Variants in SNTG1 observed in about 807,000 individuals in gnomAD.
The protein encoded by SNTG1 is gamma-1-syntrophin.
Under a neutral mutation model 74.7 loss-of-function variants are expected in SNTG1, and 39 were observed. The ratio of observed to expected loss-of-function variants is 0.52; its 90% confidence interval spans 0.40 to 0.68. The LOEUF (loss-of-function observed/expected upper bound fraction) is 0.68, where lower values mean the gene tolerates loss of function less well. Among genes scored for constraint, SNTG1 ranks in the 30% least tolerant of loss-of-function variants. The pLI is 0.00. For missense variants in SNTG1, 685 were observed against 609.5 expected, an observed-to-expected ratio of 1.12 and a Z score of -1.30; for synonymous variants, 254 against 217.1, an observed-to-expected ratio of 1.17 and a Z score of -1.49.
At position 50,364,317 on chromosome 8, in the gene SNTG1, T is replaced by C. The variant is rs190435906; in HGVS notation, c.-27-29895T>C. On this transcript the variant is annotated intron_variant, in intron 2 of 18. Transcript: ENST00000642720. ...GTCATGAATGATGAAAGACACTCCT[T>C]TCACCTTTATCACTCTTATCACTTA... 6.6e-5 allele frequency among the ~76,000 whole-genome samples: 10 copies of C among 152,246 alleles called. No individual in the cohort carries two copies. The East Asian group carries it at 1.7e-3, about 26-fold the overall frequency.
intron 8 of SNTG1, among the ~76,000 whole-genome samples, chr8:50,494,140 C>T (rs1214083038): frequency 2.0e-5 from 3 of 150,366 alleles, no homozygotes; most frequent in East Asian, 1.9e-4. Flanking sequence ...CACACACACA[C>T]ATATATATAT....
intron 1 of SNTG1, among the ~76,000 whole-genome samples, chr8:49,944,489 A>G (rs1166962271): frequency 1.3e-5 from 2 of 148,996 alleles, no homozygotes; most frequent in African/African-American, 5.0e-5. Flanking sequence ...AAAAAAACCA[A>G]ACACTGCATG....
Position 50,395,805 on chromosome 8 carries a change from C to T in SNTG1, c.27+1540C>T, listed in dbSNP as rs1723325676. 2.0e-5 allele frequency among the ~76,000 whole-genome samples: 3 copies of T among 152,118 alleles called. No homozygotes were observed. In the South Asian group the frequency reaches 6.2e-4, roughly 32 times the overall value. On this transcript the variant is annotated intron_variant, in intron 3 of 18. Transcript: ENST00000642720. ...GGATTACAGGCGTGAGCCACTGTGC[C>T]CGGCCCATTTCTGGTTTTAATTGCA... is the stretch of plus-strand genomic sequence containing the variant.
At chr8:50,506,836 T>G (rs947321064) in intron 9 of SNTG1, among the ~76,000 whole-genome samples, 1 of 152,068 alleles carries the variant, frequency 6.6e-6, no homozygotes, top group East Asian at 1.9e-4. Flanking sequence ...GCTAGAACTT[T>G]TGGTTGTATG....
chr8:50,274,524 T>G (rs2087982411), intron 2 of SNTG1, among the ~76,000 whole-genome samples: 1 of 152,174 alleles, frequency 6.6e-6, no homozygotes, highest in African/African-American at 2.4e-5. Context: ...TCTTTTCAAT[T>G]TGTATATTTT....
At chr8:50,164,927 A>T (rs574098833) in intron 1 of SNTG1, among the ~76,000 whole-genome samples, 41 of 152,284 alleles carry the variant, frequency 2.7e-4, no homozygotes, top group Non-Finnish European at 4.9e-4. Context: ...GTCATCCCTT[A>T]TTTATAGGTT....
intron 4 of SNTG1, among the ~76,000 whole-genome samples, chr8:50,411,774 C>G (rs1006635521): frequency 2.0e-5 from 3 of 152,156 alleles, no homozygotes; most frequent in Non-Finnish European, 4.4e-5. Flanking sequence ...TTATGCGGTT[C>G]CAGATATGGC....
At chr8:50,206,202 A>G (rs971327884) in intron 2 of SNTG1, among the ~76,000 whole-genome samples, 3 of 152,208 alleles carry the variant, frequency 2.0e-5, no homozygotes, top group Non-Finnish European at 4.4e-5. Flanking sequence ...ATCCATGACC[A>G]TGGAATGTTC....
rs570432012 is a variant in SNTG1 at position 50,180,435 on chromosome 8, A to G, written c.-28+7800A>G. The stretch of plus-strand genomic sequence containing the variant: ...AGTAGACTTTAGGTGTGCTTACCAT[A>G]CATACAAAAAAGAAAGTAATAAAAC... On this transcript the variant is annotated intron_variant, in intron 2 of 18. Coordinates refer to ENST00000642720, the MANE Select transcript of SNTG1 (RefSeq NM_018967.5). Among the ~76,000 whole-genome samples, 5 of 152,340 alleles carry G rather than the reference A, an allele frequency of 3.3e-5. No homozygotes were observed. The South Asian group carries it at 1.0e-3, about 32-fold the overall frequency.
intron 2 of SNTG1, among the ~76,000 whole-genome samples, chr8:50,204,009 A>C (rs1396448975): frequency 6.6e-6 from 1 of 152,100 alleles, no homozygotes; most frequent in Non-Finnish European, 1.5e-5. Context: ...AAGGTGATGA[A>C]AAATGCATAA....
chr8:50,032,535 T>C (rs1349535304), intron 1 of SNTG1, among the ~76,000 whole-genome samples: 1 of 152,146 alleles, frequency 6.6e-6, no homozygotes, highest in East Asian at 1.9e-4. Context: ...GGGACCATTG[T>C]TGCTTTTGTT....
chr8:49,995,192 A>G (rs531204098), intron 1 of SNTG1, among the ~76,000 whole-genome samples: 1 of 152,206 alleles, frequency 6.6e-6, no homozygotes, highest in African/African-American at 2.4e-5. Context: ...GAAGAGTTCA[A>G]CATTAAGATT....
intron 1 of SNTG1, among the ~76,000 whole-genome samples, chr8:50,042,439 T>C (rs1163055257): frequency 6.6e-6 from 1 of 152,200 alleles, no homozygotes; most frequent in Non-Finnish European, 1.5e-5. Context: ...GGAGCTCCTG[T>C]AGTCTCAGCT....
chr8:50,570,226 T>TTTTTATTTTA (rs1175368970), intron 12 of SNTG1, among the ~76,000 whole-genome samples: 4,545 of 46,794 alleles, frequency 0.097, 786 homozygotes, highest in East Asian at 0.38. Flanking sequence ...GGTGGTTCTA[T>TTTTTATTTTA]TTTTATTTTA....
chr8:49,910,785 C>A (rs556770255), upstream of SNTG1: 1 of 152,406 alleles, frequency 6.6e-6, no homozygotes, highest in South Asian at 2.1e-4. Flanking sequence ...GTAAATTGGG[C>A]TTTGCTCTGG....
At chr8:50,121,235 G>C (rs557993791) in intron 1 of SNTG1, among the ~76,000 whole-genome samples, 1 of 141,200 alleles carries the variant, frequency 7.1e-6, no homozygotes, top group Non-Finnish European at 1.6e-5. Flanking sequence ...GACTAATTTT[G>C]GCCTCTGACT....
intron 2 of SNTG1, among the ~76,000 whole-genome samples, chr8:50,230,579 G>A (rs1427803934): frequency 2.6e-5 from 4 of 151,240 alleles, no homozygotes; most frequent in Admixed American, 2.6e-4. Flanking sequence ...TCTCAAAAAA[G>A]CAATCTATAG....
chr8:50,447,487 C>G (rs2093417391), intron 5 of SNTG1, among the ~76,000 whole-genome samples: 1 of 152,152 alleles, frequency 6.6e-6, no homozygotes, highest in African/African-American at 2.4e-5. Context: ...CTTTTTCCTT[C>G]TAAGAAACAT....
chr8:50,148,093 T>C (rs1268152502), intron 1 of SNTG1, among the ~76,000 whole-genome samples: 1 of 152,206 alleles, frequency 6.6e-6, no homozygotes. Context: ...AAAATATGCG[T>C]AACATAGCGT....
Sources: gnomAD v4.1 joint callset for allele counts (sites outside exome capture counted in the v4.1 genomes callset) on GRCh38, gnomAD v4.1.1 for gene constraint, MANE v1.5 for transcripts, NCBI Gene and HGNC (gene_info 2026-07-23, HGNC 2026-07-21) for gene names.